The following CSNK1G2 variants were observed in gnomAD, a reference collection of about 807,000 sequenced individuals.
The protein encoded by CSNK1G2 is casein kinase I isoform gamma-2.
CSNK1G2 carries 11 observed loss-of-function variants against 48.0 expected under a neutral mutation model. That is an observed-to-expected ratio of 0.23 (90% CI 0.14 to 0.38). CSNK1G2 has a LOEUF of 0.38. CSNK1G2 is among the 10% of genes least tolerant of loss of function. The pLI, the probability that CSNK1G2 is intolerant of heterozygous loss-of-function variation, is 1.00. For missense variants in CSNK1G2, 446 were observed against 595.5 expected, an observed-to-expected ratio of 0.75 and a Z score of 2.61; for synonymous variants, 337 against 254.1, an observed-to-expected ratio of 1.33 and a Z score of -3.10.
rs2015050083 is a variant in CSNK1G2 at position 1,957,805 on chromosome 19, C to G, written c.-265-11703C>G. Among the ~76,000 whole-genome samples the G allele has an allele frequency of 6.6e-6, 1 of 151,762 alleles. No individual in the cohort carries two copies. Among genetic ancestry groups the G allele is most frequent in the Non-Finnish European group, 1.5e-5 (1 of 67,906 alleles). ...GGGTGCCGTGTGTGGGGGGTATGTG[C>G]TCGGCGGGCGCCGTGTTTGTGGGGT... On this transcript the variant is annotated intron_variant, in intron 1 of 11. Transcript: ENST00000255641. The surrounding 1 kb of genome is among the most constrained non-coding windows in gnomAD (Gnocchi z 5.4).
intron 1 of CSNK1G2, among the ~76,000 whole-genome samples, chr19:1,943,692 A>T (rs1041078101): frequency 6.6e-6 from 1 of 152,180 alleles, no homozygotes; most frequent in African/African-American, 2.4e-5. Flanking sequence ...GCGCCCCAGC[A>T]GATGCGTCCG....
chr19:1,946,070 C>G (rs1180161235), intron 1 of CSNK1G2, among the ~76,000 whole-genome samples: 1 of 152,020 alleles, frequency 6.6e-6, no homozygotes, highest in Non-Finnish European at 1.5e-5. Flanking sequence ...GCGTATGTTC[C>G]CGGGAGAGGT....
chr19:1,980,325 G>A lies in CSNK1G2; in HGVS notation c.*122G>A, dbSNP rs778768475. ...CCAGACCCTGGCTGGAAGCCAGAAC[G>A]CAGACTGCAGGGGCCGCGCCTGGCT... On this transcript the variant is annotated 3_prime_UTR_variant, in exon 12 of 12. Transcript: ENST00000255641. 73 of 1,237,468 alleles carry A rather than the reference G, an allele frequency of 5.9e-5. No homozygotes were observed. The highest frequency in any genetic ancestry group is 5.0e-4 in the East Asian group (21 of 42,378). The allele number at this position is 1,237,468 out of a possible 1,614,324, so 76.7% of individuals were successfully genotyped here.
chr19:1,966,428 T>A (rs1339166577), intron 1 of CSNK1G2, among the ~76,000 whole-genome samples: 1 of 152,198 alleles, frequency 6.6e-6, no homozygotes, highest in African/African-American at 2.4e-5. Flanking sequence ...TGTCGCTGTC[T>A]CGCGAGAAAA....
rs76790164 is a variant in CSNK1G2 at position 1,956,374 on chromosome 19, C to A, written c.-265-13134C>A. ...CGCATGTAGCTGAGCCAAGATCAGACGGCATGGTGCCTCATGCCTGTGGTC... is the reference window on the plus strand; with the variant it reads ...CGCATGTAGCTGAGCCAAGATCAGAAGGCATGGTGCCTCATGCCTGTGGTC... On this transcript the variant is annotated intron_variant, in intron 1 of 11. Transcript: ENST00000255641. 2.5e-3 allele frequency among the ~76,000 whole-genome samples: 386 copies of A among 152,334 alleles called. 5 individuals carry two copies. The South Asian group carries it at 0.027, about 11-fold the overall frequency.
chr19:1,955,534 G>GGTGTGT (rs2014960336), intron 1 of CSNK1G2, among the ~76,000 whole-genome samples: 4 of 151,934 alleles, frequency 2.6e-5, no homozygotes, highest in South Asian at 2.1e-4. Context: ...CCGCGGGGTG[G>GGTGTGT]GCGTGTGCCT....
At chr19:1,952,851 C>G (rs45437201) in intron 1 of CSNK1G2, 56,361 of 384,828 alleles carry the variant, frequency 0.15, 4,615 homozygotes, top group South Asian at 0.18. Flanking sequence ...CTGCTGTGCC[C>G]TTCACTCTGC....
intron 2 of CSNK1G2, among the ~76,000 whole-genome samples, chr19:1,973,477 T>C (rs1366234735): frequency 1.3e-5 from 2 of 152,254 alleles, no homozygotes; most frequent in Non-Finnish European, 2.9e-5. Context: ...CTGAAAGTGC[T>C]GGGATTACAG....
chr19:1,944,900 A>G (rs2014498488), intron 1 of CSNK1G2, among the ~76,000 whole-genome samples: 1 of 152,146 alleles, frequency 6.6e-6, no homozygotes, highest in African/African-American at 2.4e-5. Flanking sequence ...GTCCTCCTGT[A>G]GTGGGGCAGG....
chr19:1,942,914 G>A (rs1225628729), intron 1 of CSNK1G2, among the ~76,000 whole-genome samples: 1 of 152,204 alleles, frequency 6.6e-6, no homozygotes, highest in African/African-American at 2.4e-5. Flanking sequence ...TCCCAGGCAG[G>A]CAGCCCCCGG....
chr19:1,979,233 C>T lies in CSNK1G2; in HGVS notation c.753C>T (p.Pro251=), dbSNP rs746355518. Residue 251 remains proline (P), a synonymous_variant, in exon 7 of 12, where the codon CCC becomes CCT. Coordinates refer to ENST00000255641, the MANE Select transcript of CSNK1G2 (RefSeq NM_001319.7). ...MFMYFLRGSL[P]WQGLKADTLK... is the part of the protein sequence containing the mutation. Reference sequence around the variant, plus strand: ...TGTACTTCCTGCGCGGCAGCCTCCCCTGGCAGGGGCTCAAGGTGGGCGAGG... The same window carrying T: ...TGTACTTCCTGCGCGGCAGCCTCCCTTGGCAGGGGCTCAAGGTGGGCGAGG... 1.9e-6 allele frequency: 3 copies of T among 1,555,144 alleles called. No homozygotes were observed. The highest frequency in any genetic ancestry group is 2.4e-5 in the East Asian group (1 of 41,696).
At chr19:1,965,080 A>G (rs1236418405) in intron 1 of CSNK1G2, among the ~76,000 whole-genome samples, 1 of 149,560 alleles carries the variant, frequency 6.7e-6, no homozygotes, top group East Asian at 2.1e-4. Context: ...TGGTCACCCA[A>G]GATCCCTAGT....
At chr19:1,969,111 T>C (rs2015476847) in intron 1 of CSNK1G2, among the ~76,000 whole-genome samples, 1 of 152,174 alleles carries the variant, frequency 6.6e-6, no homozygotes, top group African/African-American at 2.4e-5. Context: ...CGGGGACTGT[T>C]GTGTGGCCCC....
At chr19:1,955,215 G>C (rs1378364574) in intron 1 of CSNK1G2, among the ~76,000 whole-genome samples, 2 of 152,086 alleles carry the variant, frequency 1.3e-5, no homozygotes, top group East Asian at 1.9e-4. Context: ...TCTTGTTTGT[G>C]GGGGCAGGGG....
At chr19:1,976,921 T>G (rs746249189) in intron 2 of CSNK1G2, among the ~76,000 whole-genome samples, 1 of 152,098 alleles carries the variant, frequency 6.6e-6, no homozygotes, top group Non-Finnish European at 1.5e-5. Flanking sequence ...GTATTTTTAG[T>G]AGAGATGGGG....
intron 2 of CSNK1G2, among the ~76,000 whole-genome samples, chr19:1,977,165 G>A (rs2015787287): frequency 6.6e-6 from 1 of 152,226 alleles, no homozygotes; most frequent in South Asian, 2.1e-4. Context: ...GTCATGCCGC[G>A]GGACAGGTCG....
At position 1,975,257 on chromosome 19, in the gene CSNK1G2, A is replaced by G. The variant is rs2015713894; in HGVS notation, c.188-3048A>G. On this transcript the variant is annotated intron_variant, in intron 2 of 11. Transcript: ENST00000255641. ...ATCCGCCTGCCCGTCAGGGAGCCAC[A>G]GCTGGATGATACATCGACAGACAGC... 5.1e-6 allele frequency: 5 copies of G among 985,486 alleles called. 1 individual carries two copies. The South Asian group carries it at 2.3e-4, about 46-fold the overall frequency. The allele number at this position is 985,486 out of a possible 1,614,324, so 61.0% of individuals were successfully genotyped here. A position where few individuals can be genotyped will look rare whatever the true frequency, so the allele number is the denominator to read the frequency against.
chr19:1,963,358 C>T (rs530207593), intron 1 of CSNK1G2, among the ~76,000 whole-genome samples: 37 of 152,102 alleles, frequency 2.4e-4, no homozygotes, highest in African/African-American at 8.0e-4. Flanking sequence ...AGTACAGGTG[C>T]CCGCCACCAT....
At position 1,980,367 on chromosome 19, in the gene CSNK1G2, C is replaced by T. The variant is rs759914656; in HGVS notation, c.*164C>T. ...CGCCTGGCTCAGGCGGCCCCACCCC[C>T]GGGACGTGGGGTCACTTCCTTCATG... On this transcript the variant is annotated 3_prime_UTR_variant, in exon 12 of 12. Coordinates refer to ENST00000255641, the MANE Select transcript of CSNK1G2 (RefSeq NM_001319.7). 1.9e-5 allele frequency: 15 copies of T among 807,016 alleles called. No individual in the cohort carries two copies. Among genetic ancestry groups the T allele is most frequent in the Non-Finnish European group, 2.7e-5 (13 of 489,234 alleles). 50.0% of individuals were successfully genotyped at this position (807,016 alleles called of 1,614,324 possible).
Sources: gnomAD v4.1 joint callset for allele counts (sites outside exome capture counted in the v4.1 genomes callset) on GRCh38, gnomAD v4.1.1 for gene constraint, Gnocchi (gnomAD v3.1) non-coding constraint, MANE v1.5 for transcripts, NCBI Gene and HGNC (gene_info 2026-07-23, HGNC 2026-07-21) for gene names.